Variants in ANKRD44 observed in about 807,000 individuals in gnomAD.
The protein encoded by ANKRD44 is serine/threonine-protein phosphatase 6 regulatory ankyrin repeat subunit B.
In ANKRD44, 35 loss-of-function variants were observed where a neutral mutation model predicts 116.0. The observed-to-expected ratio is 0.30, with a 90% CI of 0.23 to 0.40. The LOEUF (loss-of-function observed/expected upper bound fraction) is 0.40, where lower values mean the gene tolerates loss of function less well. Among genes scored for constraint, ANKRD44 ranks in the 10% least tolerant of loss-of-function variants. The pLI is 1.00. For synonymous variants in ANKRD44, 435 were observed against 461.8 expected (o/e 0.94, Z 0.74); for missense variants, 1,014 against 1,242.6 (o/e 0.82, Z 2.77).
At chr2:197,077,888 G>A (rs967672102) in intron 16 of ANKRD44, 1 of 152,152 alleles carries the variant, frequency 6.6e-6, no homozygotes, top group East Asian at 1.9e-4. Context: ...TCTAATCAAA[G>A]GGGGGTAATT....
chr2:197,284,566 T>C (rs1418356228), intron 1 of ANKRD44, among the ~76,000 whole-genome samples: 9 of 150,542 alleles, frequency 6.0e-5, no homozygotes, highest in African/African-American at 2.2e-4. Flanking sequence ...TAAACAAAAT[T>C]CTAGAAATAT....
At chr2:197,058,687 G>A (rs905547975) in intron 16 of ANKRD44, among the ~76,000 whole-genome samples, 2 of 152,170 alleles carry the variant, frequency 1.3e-5, no homozygotes, top group Non-Finnish European at 2.9e-5. Context: ...TAAAAAGGAA[G>A]CAGGTCTCCT....
chr2:196,974,670 A>G lies in ANKRD44; in HGVS notation c.2369-7224T>C, dbSNP rs142569234. ...TTTGGTAGGCCAAGGCAGGCAGATC[A>G]CCTGAGGTCAGGAGTTTGAGAGCAG... On this transcript the variant is annotated intron_variant, in intron 21 of 21. Transcript: ENST00000424317. 7.9e-3 allele frequency among the ~76,000 whole-genome samples: 1,208 copies of G among 152,214 alleles called. 18 individuals carry two copies. The highest frequency in any genetic ancestry group is 0.028 in the African/African-American group (1,157 of 41,540).
intron 2 of ANKRD44, among the ~76,000 whole-genome samples, chr2:197,182,909 AG>A (rs1359333491): frequency 8.5e-5 from 13 of 152,184 alleles, no homozygotes; most frequent in African/African-American, 3.1e-4. Context: ...AGTTGAGGGT[AG>A]AAGTAGGTTT....
At chr2:197,245,654 G>A (rs765087270) in intron 1 of ANKRD44, among the ~76,000 whole-genome samples, 4 of 152,136 alleles carry the variant, frequency 2.6e-5, no homozygotes, top group Non-Finnish European at 4.4e-5. Flanking sequence ...CTGTTTGTAG[G>A]GTTATTTTTC....
At chr2:197,287,674 T>C (rs1400746449) in intron 1 of ANKRD44, among the ~76,000 whole-genome samples, 1 of 151,888 alleles carries the variant, frequency 6.6e-6, no homozygotes, top group Admixed American at 6.5e-5. Flanking sequence ...AATACCTATT[T>C]TCTATTTAGG....
downstream of ANKRD44, chr2:196,986,588 T>C (rs924279952): frequency 1.0e-5 from 5 of 488,962 alleles, no homozygotes; most frequent in African/African-American, 4.2e-5. Flanking sequence ...AAAGTTAATT[T>C]GGCTTGAGGG....
At chr2:197,123,740 G>A (rs2078912412) in intron 6 of ANKRD44, among the ~76,000 whole-genome samples, 1 of 152,186 alleles carries the variant, frequency 6.6e-6, no homozygotes, top group African/African-American at 2.4e-5. Context: ...GCTGAAAATT[G>A]AAGGGTAGAA....
intron 16 of ANKRD44, among the ~76,000 whole-genome samples, chr2:197,048,716 T>G (rs1212300617): frequency 3.3e-5 from 5 of 152,200 alleles, no homozygotes; most frequent in Non-Finnish European, 7.3e-5. Context: ...GTAATGGGAT[T>G]GCTGGGTCAA....
intron 1 of ANKRD44, among the ~76,000 whole-genome samples, chr2:197,216,869 AACACACACAC>A (rs61641385): frequency 1.4e-5 from 2 of 139,734 alleles, no homozygotes; most frequent in South Asian, 2.4e-4. Flanking sequence ...ACATTGGTTA[AACACACACAC>A]ACACACACAC....
In ANKRD44 at chr2:197,212,231, G is replaced by A. The variant is rs1559154008; in HGVS notation, c.28-25125C>T. Among the ~76,000 whole-genome samples the A allele has an allele frequency of 6.6e-6, 1 of 152,124 alleles. No individual in the cohort carries two copies. The highest frequency in any genetic ancestry group is 1.5e-5 in the Non-Finnish European group (1 of 68,030). On this transcript the variant is annotated intron_variant, in intron 1 of 27. Coordinates refer to ENST00000282272, the MANE Select transcript of ANKRD44 (RefSeq NM_001195144.2). This position sits in a 1 kb window ranked among gnomAD's most constrained non-coding sequence, Gnocchi z 4.8. Reference sequence around the variant, plus strand: ...AACCAGGCAGATAGGGATCCAGTGGGAGCACACTGGCACCAAACACGAAAG... The same window carrying A: ...AACCAGGCAGATAGGGATCCAGTGGAAGCACACTGGCACCAAACACGAAAG...
rs1308927650 is a variant in ANKRD44 at position 197,008,935 on chromosome 2, C to G, written c.2012+9G>C. Reference sequence around the variant, plus strand: ...ATGTCAACCCAAGGCCACGTGTGAGCGCACTTACTGTCCTTTGGCATCTTT... The same window carrying G: ...ATGTCAACCCAAGGCCACGTGTGAGGGCACTTACTGTCCTTTGGCATCTTT... On this transcript the variant is annotated intron_variant, in intron 19 of 27. Transcript: ENST00000282272. The G allele has an allele frequency of 6.2e-7, 1 of 1,613,596 alleles. No individual in the cohort carries two copies. The highest frequency in any genetic ancestry group is 8.5e-7 in the Non-Finnish European group (1 of 1,179,600).
rs77595792 is a variant in ANKRD44 at position 197,190,017 on chromosome 2, C to A, written c.28-2911G>T. 2.2e-3 allele frequency among the ~76,000 whole-genome samples: 335 copies of A among 152,312 alleles called. 8 individuals are homozygous for A. The East Asian group carries it at 0.054, about 25-fold the overall frequency. ...TTCCAGAGAAGGGCGCCAGCACAGT[C>A]CTCAGCAGGGAGTGGTGCCTCTGGG... On this transcript the variant is annotated intron_variant, in intron 1 of 27. Transcript: ENST00000282272.
chr2:196,989,862 T>A, intron 27 of ANKRD44: 1 of 1,228,712 alleles, frequency 8.1e-7, no homozygotes, highest in Non-Finnish European at 1.0e-6. Flanking sequence ...CTGATGTTTT[T>A]TAAAAGTTAG....
At chr2:197,245,421 G>A (rs2082170292) in intron 1 of ANKRD44, among the ~76,000 whole-genome samples, 1 of 152,174 alleles carries the variant, frequency 6.6e-6, no homozygotes, top group Non-Finnish European at 1.5e-5. Context: ...TCAGGGACTT[G>A]AGCATCCCTG....
intron 9 of ANKRD44, among the ~76,000 whole-genome samples, chr2:197,108,841 AAACAAC>A (rs138617040): frequency 0.86 from 128,390 of 150,034 alleles, 57,098 homozygotes; most frequent in East Asian, 0.97. Context: ...GTGTCTTAAA[AAACAAC>A]AACAACAACA....
chr2:197,034,257 A>G (rs1272735278), intron 16 of ANKRD44, among the ~76,000 whole-genome samples: 1 of 152,162 alleles, frequency 6.6e-6, no homozygotes, highest in Non-Finnish European at 1.5e-5. Context: ...AAGAACCAGC[A>G]TTATAAAAAG....
intron 1 of ANKRD44, among the ~76,000 whole-genome samples, chr2:197,198,682 A>G (rs1367715604): frequency 6.6e-6 from 1 of 151,990 alleles, no homozygotes; most frequent in African/African-American, 2.4e-5. Context: ...AATCCCAGCT[A>G]CTCGGGAGGC....
At chr2:197,069,631 G>T (rs1048145354) in intron 16 of ANKRD44, among the ~76,000 whole-genome samples, 10 of 152,032 alleles carry the variant, frequency 6.6e-5, no homozygotes, top group African/African-American at 2.4e-4. Flanking sequence ...TATTGACACA[G>T]TAGTATAAAA....
Sources: gnomAD v4.1 joint callset for allele counts (sites outside exome capture counted in the v4.1 genomes callset) on GRCh38, gnomAD v4.1.1 for gene constraint, Gnocchi (gnomAD v3.1) non-coding constraint, MANE v1.5 for transcripts, NCBI Gene and HGNC (gene_info 2026-07-23, HGNC 2026-07-21) for gene names.